Variants in MEI4 observed in about 807,000 individuals in gnomAD.
The protein encoded by MEI4 is meiosis-specific protein MEI4.
Under a neutral mutation model 31.4 loss-of-function variants are expected in MEI4, and 27 were observed. That is an observed-to-expected ratio of 0.86 (90% CI 0.63 to 1.19). The LOEUF (loss-of-function observed/expected upper bound fraction) is 1.19, where lower values mean the gene tolerates loss of function less well. Ranked by LOEUF, MEI4 falls within the 50% of genes most tolerant of loss-of-function variation. The pLI, the probability that MEI4 is intolerant of heterozygous loss-of-function variation, is 0.00. For synonymous variants in MEI4, 122 were observed against 145.4 expected (o/e 0.84, Z 1.16); for missense variants, 329 against 398.9 (o/e 0.82, Z 1.49).
At chr6:77,822,386 T>C (rs1769847261) in intron 3 of MEI4, among the ~76,000 whole-genome samples, 1 of 152,178 alleles carries the variant, frequency 6.6e-6, no homozygotes, top group African/African-American at 2.4e-5. Flanking sequence ...GTCCTGAGGT[T>C]ATGGTAAGGG....
At chr6:77,673,260 G>A (rs1390816983) in intron 1 of MEI4, among the ~76,000 whole-genome samples, 2 of 152,196 alleles carry the variant, frequency 1.3e-5, no homozygotes, top group Admixed American at 6.5e-5. Context: ...AATAGTAGTA[G>A]TAGTAGTAGT....
intron 4 of MEI4, among the ~76,000 whole-genome samples, chr6:77,839,157 G>A (rs1314134851): frequency 6.6e-6 from 1 of 152,106 alleles, no homozygotes; most frequent in Non-Finnish European, 1.5e-5. Context: ...GAGCTGGAGA[G>A]TATGGAAGGA....
chr6:77,680,047 T>C (rs1421061920), intron 1 of MEI4, among the ~76,000 whole-genome samples: 1 of 148,434 alleles, frequency 6.7e-6, no homozygotes, highest in Non-Finnish European at 1.5e-5. Context: ...CCATGAGTGT[T>C]GTATTTTTTT....
chr6:77,694,534 T>C (rs1765964530), intron 2 of MEI4, among the ~76,000 whole-genome samples: 2 of 152,052 alleles, frequency 1.3e-5, no homozygotes, highest in South Asian at 2.1e-4. Context: ...GTCCTTGTGA[T>C]AGTTTACTGA....
At chr6:77,881,397 A>G (rs1053544053) in intron 4 of MEI4, among the ~76,000 whole-genome samples, 1 of 152,236 alleles carries the variant, frequency 6.6e-6, no homozygotes, top group African/African-American at 2.4e-5. Flanking sequence ...TACCATTTTC[A>G]AAATTTCATT....
At chr6:77,745,982 G>T (rs1384033829) in intron 2 of MEI4, among the ~76,000 whole-genome samples, 1 of 151,990 alleles carries the variant, frequency 6.6e-6, no homozygotes, top group Non-Finnish European at 1.5e-5. Context: ...TGTGTAGAGG[G>T]AAATTTATAA....
chr6:77,694,326 T>A (rs1769215446), intron 2 of MEI4, among the ~76,000 whole-genome samples: 1 of 152,102 alleles, frequency 6.6e-6, no homozygotes, highest in African/African-American at 2.4e-5. Context: ...GTTAGTTACA[T>A]ACGTATACAT....
At chr6:77,695,533 A>T (rs567558686) in intron 2 of MEI4, among the ~76,000 whole-genome samples, 2,005 of 152,132 alleles carry the variant, frequency 0.013, 65 homozygotes, top group African/African-American at 0.044. Flanking sequence ...CCTTTCCCCA[A>T]TGCTTGTTTT....
intron 2 of MEI4, among the ~76,000 whole-genome samples, chr6:77,746,539 T>C (rs894858082): frequency 1.3e-5 from 2 of 152,128 alleles, no homozygotes; most frequent in African/African-American, 4.8e-5. Context: ...CAACTTACAG[T>C]ATCCTGGGTC....
rs1002468502 is a variant in MEI4 at position 77,925,094 on chromosome 6, A to G, written c.*1748A>G. On this transcript the variant is annotated 3_prime_UTR_variant, in exon 5 of 5. Transcript: ENST00000684080. ...CTTCATCTTCTTTCATTGTGATTAA[A>G]CAAGATTGGTAAATACACAAGTATC... 1 of 151,824 alleles carries G rather than the reference A, an allele frequency of 6.6e-6. No homozygotes were observed. Among genetic ancestry groups the G allele is most frequent in the African/African-American group, 2.4e-5 (1 of 41,390 alleles). The allele number at this position is 151,824 out of a possible 1,614,324, so 9.4% of individuals were successfully genotyped here.
At chr6:77,826,219 T>G (rs1769948664) in intron 3 of MEI4, among the ~76,000 whole-genome samples, 1 of 152,228 alleles carries the variant, frequency 6.6e-6, no homozygotes, top group Non-Finnish European at 1.5e-5. Flanking sequence ...ATACACTTAC[T>G]TGGTGTCCTA....
intron 2 of MEI4, among the ~76,000 whole-genome samples, chr6:77,750,517 CAAAG>C (rs1334745649): frequency 6.6e-6 from 1 of 152,034 alleles, no homozygotes; most frequent in Non-Finnish European, 1.5e-5. Flanking sequence ...TCAAAAGAGA[CAAAG>C]AAGGCCATTA....
intron 1 of MEI4, among the ~76,000 whole-genome samples, chr6:77,667,734 A>C (rs1343254229): frequency 6.6e-6 from 1 of 152,128 alleles, no homozygotes; most frequent in East Asian, 1.9e-4. Flanking sequence ...TGGACCATGA[A>C]GGGTGAAGGA....
intron 2 of MEI4, among the ~76,000 whole-genome samples, chr6:77,697,479 T>C (rs1301835668): frequency 6.6e-6 from 1 of 152,208 alleles, no homozygotes; most frequent in Admixed American, 6.5e-5. Context: ...TTTGTTCTTA[T>C]TGGTTTCAAA....
At chr6:77,777,038 T>G (rs1768465558) in intron 3 of MEI4, among the ~76,000 whole-genome samples, 1 of 152,144 alleles carries the variant, frequency 6.6e-6, no homozygotes, top group Admixed American at 6.6e-5. Flanking sequence ...AAATATATAC[T>G]GGGGGTAAAG....
At chr6:77,684,451 A>G (rs1350089895) in intron 1 of MEI4, among the ~76,000 whole-genome samples, 4 of 143,760 alleles carry the variant, frequency 2.8e-5, no homozygotes, top group Non-Finnish European at 6.3e-5. Flanking sequence ...CATTCTGTCT[A>G]CTTTTTTTTT....
At chr6:77,804,600 C>T (rs1769379814) in intron 3 of MEI4, among the ~76,000 whole-genome samples, 1 of 152,168 alleles carries the variant, frequency 6.6e-6, no homozygotes, top group Non-Finnish European at 1.5e-5. Context: ...TGCCTCCACC[C>T]TCCCCATCTC....
At chr6:77,782,845 A>C (rs1768628361) in intron 3 of MEI4, among the ~76,000 whole-genome samples, 1 of 152,204 alleles carries the variant, frequency 6.6e-6, no homozygotes, top group African/African-American at 2.4e-5. Context: ...TATTATTTTC[A>C]ATCAAAGTCC....
intron 4 of MEI4, among the ~76,000 whole-genome samples, chr6:77,830,527 C>G (rs1430620901): frequency 6.6e-6 from 1 of 151,962 alleles, no homozygotes; most frequent in African/African-American, 2.4e-5. Context: ...GATGTTCTGA[C>G]AGTTAAGATA....
Sources: allele counts gnomAD v4.1 joint callset (sites outside exome capture counted in the v4.1 genomes callset), GRCh38; gene constraint gnomAD v4.1.1; transcripts MANE v1.5; gene names NCBI Gene and HGNC (gene_info 2026-07-23, HGNC 2026-07-21).